GGT1: variants seen among roughly 807,000 people sequenced by gnomAD.
The protein encoded by GGT1 is glutathione hydrolase 1 proenzyme.
Under a neutral mutation model 56.0 loss-of-function variants are expected in GGT1, and 21 were observed. The observed-to-expected ratio is 0.38, with a 90% CI of 0.27 to 0.54. The LOEUF (loss-of-function observed/expected upper bound fraction) is 0.54. GGT1 is among the 20% of genes least tolerant of loss of function. The probability of loss-of-function intolerance (pLI) is 0.82; values close to 1 mark genes in which losing one functional copy is unlikely to be tolerated. For synonymous variants in GGT1, 238 were observed against 342.6 expected, an observed-to-expected ratio of 0.69 and a Z score of 3.37; for missense variants, 466 against 787.0, an observed-to-expected ratio of 0.59 and a Z score of 4.88.
rs1361462081 is a variant in GGT1 at position 24,628,315 on chromosome 22, G to A, written c.1490G>A (p.Arg497Gln). 38 of 1,611,648 alleles carry A rather than the reference G, an allele frequency of 2.4e-5. No homozygotes were observed. Among genetic ancestry groups the A allele is most frequent in the East Asian group, 4.5e-5 (2 of 44,888 alleles). The part of the protein sequence containing the change: ...YNLWFGYDVK[R>Q]AVEEPRLHNQ... ...CTCTGGTTCGGCTATGACGTGAAGC[G>A]GGCCGTGGAGGAGCCCCGGCTGCAC... Residue 497 changes from arginine to glutamine, a missense_variant, in exon 15 of 16, where the codon CGG becomes CAG. This residue lies in a region of GGT1 where 456 missense variants were observed against 716.7 expected (regional missense o/e 0.64). Coordinates refer to ENST00000400382, the MANE Select transcript of GGT1 (RefSeq NM_001288833.2). This position sits in a 1 kb window ranked among gnomAD's most constrained non-coding sequence, Gnocchi z 5.7.
upstream of GGT1, chr22:24,593,012 C>A (rs1479879959): frequency 2.7e-6 from 3 of 1,092,006 alleles, no homozygotes; most frequent in Non-Finnish European, 3.3e-6. Flanking sequence ...GCCTCGGGCC[C>A]GGCCCGCCGG....
At chr22:24,626,729 T>C (rs375357716) in intron 11 of GGT1, among the ~76,000 whole-genome samples, 2,236 of 147,418 alleles carry the variant, frequency 0.015, 30 homozygotes, top group Non-Finnish European at 0.022. Flanking sequence ...GCCAGAGGGA[T>C]CCTGTGAAAA....
rs2047951854 is a variant in GGT1, at chr22:24,628,942, C to A, written c.*103C>A. On this transcript the variant is annotated 3_prime_UTR_variant, in exon 16 of 16. Transcript: ENST00000400382. This position sits in a 1 kb window ranked among gnomAD's most constrained non-coding sequence, Gnocchi z 5.7. ...CCGGCTTCCCCTGTGAGCAGCAGAG[C>A]AGCACAATAAATGAGGCCACTGTGC... 5 of 1,566,180 alleles carry A rather than the reference C, an allele frequency of 3.2e-6. No individual in the cohort carries two copies. The highest frequency in any genetic ancestry group is 4.3e-6 in the Non-Finnish European group (5 of 1,153,004).
In GGT1 at chr22:24,620,929, G is replaced by C; in HGVS notation, c.592G>C (p.Asp198His). The change falls in exon 9 of 16, where the codon GAT becomes CAT. Residue 198 changes from aspartate to histidine, a missense_variant. By Grantham distance (81) the Asp-to-His change is moderately conservative. Transcript: ENST00000400382. The surrounding 1 kb of genome is among the most constrained non-coding windows in gnomAD (Gnocchi z 5.6). ...QPVLCEVFCR[D>H]RKVLREGERL... ...CTGCCCCAGTGAGGTGTTCTGCCGG[G>C]ATAGAAAGGTGCTTCGGGAGGGGGA... is the stretch of plus-strand genomic sequence containing the variant. 6.2e-7 allele frequency: 1 copy of C among 1,612,002 alleles called. No individual in the cohort carries two copies. The highest frequency in any genetic ancestry group is 1.1e-5 in the South Asian group (1 of 90,990).
upstream of GGT1, among the ~76,000 whole-genome samples, chr22:24,594,629 C>G (rs1374989732): frequency 6.6e-6 from 1 of 152,030 alleles, no homozygotes; most frequent in Non-Finnish European, 1.5e-5. Flanking sequence ...AGTGCTTGCA[C>G]CCCCTTCTCC....
the GGT1 span, chr22:24,589,764 G>C: frequency 1.3e-4 from 193 of 1,517,558 alleles, 1 homozygote; most frequent in Admixed American, 8.0e-4. Context: ...CCTGGGCTCT[G>C]TTGGCCCCCC....
intron 11 of GGT1, chr22:24,624,147 G>T: frequency 1.3e-5 from 13 of 985,406 alleles, no homozygotes; most frequent in Non-Finnish European, 1.6e-5. Flanking sequence ...CCTACCTCAG[G>T]TCCTTTGCAC....
At chr22:24,604,897 G>T (rs1331754121) in intron 1 of GGT1, among the ~76,000 whole-genome samples, 2 of 147,582 alleles carry the variant, frequency 1.4e-5, no homozygotes, top group Admixed American at 7.1e-5. Flanking sequence ...CCCATTGAAG[G>T]CAGCTCTGTC....
At chr22:24,611,761 C>T (rs1271034872) in intron 5 of GGT1, among the ~76,000 whole-genome samples, 15 of 149,872 alleles carry the variant, frequency 1.0e-4, no homozygotes, top group Non-Finnish European at 1.5e-4. Context: ...TGCGCCACCA[C>T]GCCCAACAAA....
chr22:24,590,044 G>T, upstream of GGT1: 3 of 1,371,674 alleles, frequency 2.2e-6, no homozygotes, highest in Non-Finnish European at 2.9e-6. Flanking sequence ...GCCCGTTCCT[G>T]TCTCTCCATC....
At position 24,620,877 on chromosome 22, in the gene GGT1, C is replaced by T; in HGVS notation, c.576-36C>T. The T allele has an allele frequency of 1.2e-6, 2 of 1,609,502 alleles. No homozygotes were observed. The highest frequency in any genetic ancestry group is 1.7e-6 in the Non-Finnish European group (2 of 1,178,454). On this transcript the variant is annotated intron_variant, in intron 8 of 15. Coordinates refer to ENST00000400382, the MANE Select transcript of GGT1 (RefSeq NM_001288833.2). This position sits in a 1 kb window ranked among gnomAD's most constrained non-coding sequence, Gnocchi z 5.6. ...GAGGGGTGGTCTAGCTGAGTCCACC[C>T]CACCTGCTGCCTCACATGAGCCCCC... is the stretch of plus-strand genomic sequence containing the variant.
the GGT1 span, chr22:24,588,991 A>G: frequency 9.9e-7 from 1 of 1,011,474 alleles, no homozygotes; most frequent in African/African-American, 1.7e-5. Context: ...TCCCTCTGTG[A>G]GCAGCCCCAG....
At chr22:24,605,360 G>GTATTATATATTATATAATATTATAATATA (rs2046084382) in intron 1 of GGT1, among the ~76,000 whole-genome samples, 1 of 40,972 alleles carries the variant, frequency 2.4e-5, no homozygotes, top group Non-Finnish European at 3.9e-5. Context: ...TATATAATAT[G>GTATTATATATTATATAATATTATAATATA]TATTATATAT....
rs2047927225 is a variant in GGT1, at chr22:24,628,484, G to A, written c.1563+96G>A. The A allele has an allele frequency of 6.6e-7, 1 of 1,514,360 alleles. No individual in the cohort carries two copies. The highest frequency in any genetic ancestry group is 9.0e-7 in the Non-Finnish European group (1 of 1,108,738). The allele number at this position is 1,514,360 out of a possible 1,614,324, so 93.8% of individuals were successfully genotyped here. ...CATCACAGAGTGGACAATGGTTGGT[G>A]TCCTCTCTCTAGTGCCTGGGCCATC... is the stretch of plus-strand genomic sequence containing the variant. On this transcript the variant is annotated intron_variant, in intron 15 of 15. Transcript: ENST00000400382. This position sits in a 1 kb window ranked among gnomAD's most constrained non-coding sequence, Gnocchi z 5.7.
upstream of GGT1, among the ~76,000 whole-genome samples, chr22:24,590,653 C>T (rs2045543224): frequency 6.6e-6 from 1 of 152,196 alleles, no homozygotes; most frequent in South Asian, 2.1e-4. Context: ...TTCAGATCCT[C>T]TGCCTTCCCA....
At chr22:24,586,163 G>T in the GGT1 span, 6 of 1,613,404 alleles carry the variant, frequency 3.7e-6, no homozygotes, top group Admixed American at 1.0e-4. Context: ...CTTGCGGGCA[G>T]TGGCCCGCGT....
the GGT1 span, chr22:24,588,794 C>T: frequency 1.9e-5 from 19 of 1,019,450 alleles, no homozygotes; most frequent in Middle Eastern, 4.9e-4. Context: ...ACTCTCCAAG[C>T]GAGACTGCGC....
rs77018131 is a variant in GGT1, at chr22:24,614,861, G to A, written c.250G>A (p.Gly84Ser). Residue 84 changes from glycine (G) to serine (S), a missense_variant, in exon 6 of 16, where the codon GGC becomes AGC. Gly to Ser is a moderately conservative substitution (Grantham distance 56). This residue lies in a region of GGT1 where 456 missense variants were observed against 716.7 expected (regional missense o/e 0.64). Transcript: ENST00000400382. Reference protein sequence around the residue: ...CVGLMNAHSMGIGGGLFLTIY... With the variant: ...CVGLMNAHSMSIGGGLFLTIY... Reference sequence around the variant, plus strand: ...GGGGCTCATGAATGCCCACAGCATGGGCATCGGGGGTGGCCTCTTCCTCAC... The same window carrying A: ...GGGGCTCATGAATGCCCACAGCATGAGCATCGGGGGTGGCCTCTTCCTCAC... The A allele has an allele frequency of 1.9e-6, 3 of 1,613,500 alleles. No homozygotes were observed. The South Asian group carries it at 3.3e-5, about 18-fold the overall frequency.
At chr22:24,605,213 A>T (rs1601632754) in intron 1 of GGT1, among the ~76,000 whole-genome samples, 1 of 37,468 alleles carries the variant, frequency 2.7e-5, no homozygotes, top group Non-Finnish European at 4.2e-5. Context: ...GTATTATATT[A>T]TATATTATAT....
Sources: allele counts gnomAD v4.1 joint callset (sites outside exome capture counted in the v4.1 genomes callset), GRCh38; gene constraint gnomAD v4.1.1; regional missense constraint gnomAD v4.1.1; non-coding constraint Gnocchi (gnomAD v3.1); transcripts MANE v1.5; gene names NCBI Gene and HGNC (gene_info 2026-07-23, HGNC 2026-07-21).